Variants in DMTF1 observed in about 807,000 individuals in gnomAD.
The protein encoded by DMTF1 is cyclin-D-binding Myb-like transcription factor 1.
DMTF1 carries 39 observed loss-of-function variants against 91.1 expected under a neutral mutation model. The observed-to-expected ratio is 0.43, with a 90% confidence interval of 0.33 to 0.56. The LOEUF (loss-of-function observed/expected upper bound fraction) is 0.56, where lower values mean the gene tolerates loss of function less well. DMTF1 is among the 20% of genes least tolerant of loss of function. The pLI is 0.05. For missense variants in DMTF1, 750 were observed against 914.5 expected (o/e 0.82, Z 2.32); for synonymous variants, 338 against 309.5 (o/e 1.09, Z -0.97).
At chr7:87,182,409 T>C in intron 10 of DMTF1, 72 bp downstream of exon 10, 1 of 1,475,874 alleles carries the variant, frequency 6.8e-7, no homozygotes, top group Non-Finnish European at 9.4e-7. Flanking sequence ...TACTGCCTTT[T>C]CTTTGCTCTT....
At position 87,171,045 on chromosome 7, in the gene DMTF1, G is replaced by A. The variant is rs928667859; in HGVS notation, c.283G>A (p.Val95Ile). The change falls in exon 5 of 18, where the codon GTA becomes ATA. Residue 95 changes from valine (V) to isoleucine (I), a missense_variant. Val to Ile is a conservative substitution (Grantham distance 29). Transcript: ENST00000331242. ...FEVTMTATTE[V>I]ADDEVTEGTV... ...AGTGACCATGACTGCAACCACAGAA[G>A]TAGCAGATGATGAGGTTACTGAGGG... 6.2e-7 allele frequency: 1 copy of A among 1,612,558 alleles called. No individual in the cohort carries two copies. The highest frequency in any genetic ancestry group is 8.5e-7 in the Non-Finnish European group (1 of 1,178,872).
chr7:87,179,750 A>C, intron 8 of DMTF1, 48 bp downstream of exon 8: 1 of 1,510,770 alleles, frequency 6.6e-7, no homozygotes, highest in South Asian at 1.3e-5. Flanking sequence ...TAGGGGAAAT[A>C]TTTGAGGAAC....
In DMTF1 at chr7:87,190,798, T is replaced by C. The variant is rs1470276766; in HGVS notation, c.1412-147T>C. 1.8e-5 allele frequency: 11 copies of C among 597,664 alleles called. No homozygotes were observed. The Admixed American group carries it at 2.1e-4, about 12-fold the overall frequency. The allele number at this position is 597,664 out of a possible 1,614,324, so 37.0% of individuals were successfully genotyped here. Reference sequence around the variant, plus strand: ...AATTCATTAGATTCCTTATCTCTCTTAAGAAATGTAAATGACTTCAGGTCT... The same window carrying C: ...AATTCATTAGATTCCTTATCTCTCTCAAGAAATGTAAATGACTTCAGGTCT... On this transcript the variant is annotated intron_variant, in intron 13 of 17. Coordinates refer to ENST00000331242, the MANE Select transcript of DMTF1 (RefSeq NM_001142327.2).
chr7:87,175,008 G>A (rs1584336584), intron 7 of DMTF1, among the ~76,000 whole-genome samples: 1 of 148,648 alleles, frequency 6.7e-6, no homozygotes. Context: ...TCTTTGTTTT[G>A]TTTTGTTTTG....
chr7:87,159,004 C>T (rs1791510769), intron 1 of DMTF1, among the ~76,000 whole-genome samples: 1 of 151,966 alleles, frequency 6.6e-6, no homozygotes, highest in Admixed American at 6.6e-5. Flanking sequence ...AAATGTTTCC[C>T]CTGTTCTTTT....
intron 10 of DMTF1, among the ~76,000 whole-genome samples, chr7:87,183,379 A>T (rs58330416): frequency 0.015 from 2,286 of 152,310 alleles, 67 homozygotes; most frequent in African/African-American, 0.052. Context: ...GGAAGGACAC[A>T]GTGGCATTTC....
At chr7:87,194,131 G>T (rs1800571086) in intron 16 of DMTF1, 29 bp downstream of exon 16, 1 of 1,526,108 alleles carries the variant, frequency 6.6e-7, no homozygotes, top group Admixed American at 2.2e-5. Flanking sequence ...ACAACTGAAT[G>T]GATTCTTGCC....
Position 87,194,141 on chromosome 7 carries a change from CT to C in DMTF1, c.2028+41del, listed in dbSNP as rs767882256. 10 of 1,515,706 alleles carry C rather than the reference CT, an allele frequency of 6.6e-6. No individual in the cohort carries two copies. The East Asian group carries it at 2.1e-4, about 31-fold the overall frequency. The allele number at this position is 1,515,706 out of a possible 1,614,324, so 93.9% of individuals were successfully genotyped here. On this transcript the variant is annotated intron_variant, in intron 16 of 17. Coordinates refer to ENST00000331242, the MANE Select transcript of DMTF1 (RefSeq NM_001142327.2). ...TAAGAACAACTGAATGGATTCTTGC[CT>C]TGAGCCTCAAACCTGCAGTTTGGGA...
At chr7:87,193,393 T>G in intron 15 of DMTF1, 40 bp downstream of exon 15, 2 of 1,605,094 alleles carry the variant, frequency 1.2e-6, no homozygotes, top group Non-Finnish European at 1.7e-6. Flanking sequence ...GTACCTGTTA[T>G]AGACCAGGAT....
chr7:87,159,359 A>G (rs1373036475), intron 1 of DMTF1, among the ~76,000 whole-genome samples: 1 of 151,920 alleles, frequency 6.6e-6, no homozygotes, highest in Non-Finnish European at 1.5e-5. Flanking sequence ...ACAGCTTTCT[A>G]ATAACTGATG....
chr7:87,191,629 C>G (rs1385654415), intron 14 of DMTF1, among the ~76,000 whole-genome samples: 1 of 152,032 alleles, frequency 6.6e-6, no homozygotes, highest in Non-Finnish European at 1.5e-5. Context: ...AAACATGGTA[C>G]AACATTGATG....
intron 5 of DMTF1, 41 bp downstream of exon 5, chr7:87,171,130 T>G (rs1263785850): frequency 7.5e-7 from 1 of 1,325,558 alleles, no homozygotes; most frequent in Admixed American, 1.9e-5. Context: ...GGATGATCCT[T>G]TACACATTGC....
chr7:87,188,098 T>C lies in DMTF1; in HGVS notation c.1208T>C (p.Ile403Thr). The C allele has an allele frequency of 6.2e-7, 1 of 1,613,450 alleles. No individual in the cohort carries two copies. The highest frequency in any genetic ancestry group is 1.7e-5 in the Admixed American group (1 of 59,954). ...TCTACCCATCTCCCTTCAGTCTTAA[T>C]AAAAGGTCTTAAACAGTTACATGAG... The part of the protein sequence containing the change: ...NHKDVSFPVL[I>T]KGLKQLHENQ... The change falls in exon 13 of 18, where the codon ATA (isoleucine) becomes ACA (threonine). Residue 403 changes from isoleucine (I) to threonine (T), a missense_variant. Transcript: ENST00000331242.
chr7:87,193,526 CT>C (rs1800402980), intron 15 of DMTF1, 173 bp downstream of exon 15: 2 of 822,230 alleles, frequency 2.4e-6, no homozygotes, highest in Non-Finnish European at 3.8e-6. Flanking sequence ...CATCCCTTCT[CT>C]TTATGTAAGA....
chr7:87,182,454 C>T, intron 10 of DMTF1, 117 bp downstream of exon 10: 1 of 872,408 alleles, frequency 1.1e-6, no homozygotes, highest in Non-Finnish European at 1.8e-6. Context: ...TTAGTTCAGA[C>T]TTTATTTTCT....
chr7:87,179,470 C>T, intron 7 of DMTF1, 75 bp from the exon 8 acceptor site: 1 of 1,275,350 alleles, frequency 7.8e-7, no homozygotes, highest in African/African-American at 1.6e-5. Flanking sequence ...AACATTAAAA[C>T]AAATTTTAAA....
intron 5 of DMTF1, among the ~76,000 whole-genome samples, chr7:87,171,449 C>G (rs1329712237): frequency 6.6e-6 from 1 of 152,146 alleles, no homozygotes; most frequent in African/African-American, 2.4e-5. Context: ...TAGTCTGTTT[C>G]TTACTGTGTC....
At chr7:87,181,971 CT>C (rs1584392443) in intron 9 of DMTF1, 8 of 1,438,292 alleles carry the variant, frequency 5.6e-6, no homozygotes, top group Non-Finnish European at 7.4e-6. Context: ...GGAAATTGGT[CT>C]TTTTTGAACA....
At chr7:87,171,825 T>C (rs1385876449) in intron 5 of DMTF1, among the ~76,000 whole-genome samples, 1 of 152,232 alleles carries the variant, frequency 6.6e-6, no homozygotes, top group Non-Finnish European at 1.5e-5. Context: ...TCAAGGTACC[T>C]GAGTTTCCTG....
Sources: gnomAD v4.1 joint callset for allele counts (sites outside exome capture counted in the v4.1 genomes callset) on GRCh38, gnomAD v4.1.1 for gene constraint, MANE v1.5 for transcripts, NCBI Gene and HGNC (gene_info 2026-07-23, HGNC 2026-07-21) for gene names.